Variants in HLTF observed in about 807,000 individuals in gnomAD.
HLTF encodes DNA-dependent ATPase/E3 ubiquitin-protein ligase HLTF.
A neutral mutation model predicts 129.4 loss-of-function variants in HLTF; 127 were observed. That is an observed-to-expected ratio of 0.98 (90% CI 0.85 to 1.14). The LOEUF (loss-of-function observed/expected upper bound fraction) is 1.14, where lower values mean the gene tolerates loss of function less well. HLTF is among the 50% of genes most tolerant of loss of function. The probability of loss-of-function intolerance (pLI) is 0.00; values close to 1 mark genes in which losing one functional copy is unlikely to be tolerated. For synonymous variants in HLTF, 332 were observed against 388.8 expected (o/e 0.85, Z 1.72); for missense variants, 1,139 against 1,187.1 (o/e 0.96, Z 0.60).
intron 17 of HLTF, among the ~76,000 whole-genome samples, chr3:149,047,723 C>T (rs1194966829): frequency 4.6e-5 from 7 of 152,056 alleles, no homozygotes; most frequent in Non-Finnish European, 8.8e-5. Context: ...AAAGGATATA[C>T]GATGTTTCCT....
At chr3:149,077,255 T>C (rs1263136269) in intron 2 of HLTF, among the ~76,000 whole-genome samples, 825 of 72,464 alleles carry the variant, frequency 0.011, 10 homozygotes, top group African/African-American at 0.039. Context: ...TCAAAATAAA[T>C]AAATAAATAA....
rs375620558 is a variant in HLTF, at chr3:149,084,978, C to T, written c.21-89G>A. On this transcript the variant is annotated intron_variant, in intron 1 of 24. Transcript: ENST00000310053. ...GTAGTTTTCTCATGCTTTACTTCAG[C>T]AAATGAAATCTTACATGGGAATCAC... is the stretch of plus-strand genomic sequence containing the variant. The T allele has an allele frequency of 3.5e-6, 3 of 863,838 alleles. No homozygotes were observed. The African/African-American group carries it at 5.1e-5, about 15-fold the overall frequency. The allele number at this position is 863,838 out of a possible 1,614,324, so 53.5% of individuals were successfully genotyped here.
At chr3:149,050,761 T>C (rs1413114193) in intron 14 of HLTF, among the ~76,000 whole-genome samples, 1 of 152,174 alleles carries the variant, frequency 6.6e-6, no homozygotes, top group Non-Finnish European at 1.5e-5. Context: ...TCCAAGGATG[T>C]GGGCAGAGAT....
rs770898013 is a variant in HLTF at position 149,032,313 on chromosome 3, TTCTC to T, written c.2933_2936del (p.Arg978AsnfsTer17). ...TAGTTCCAAAGGCTCCTGCTGCAAG[TTCTC>T]TCTTTTTGTTTTGTATTTTCAGCAT... On this transcript the variant is annotated frameshift_variant, in exon 25 of 25. Transcript: ENST00000310053. LOFTEE classifies it high-confidence loss of function. 23 of 1,599,334 alleles carry T rather than the reference TTCTC, an allele frequency of 1.4e-5. No homozygotes were observed. Among genetic ancestry groups the T allele is most frequent in the Admixed American group, 3.5e-5 (2 of 57,942 alleles).
rs1053870986 is a variant in HLTF, at chr3:149,071,569, T to C, written c.702+14A>G. 2 of 1,558,814 alleles carry C rather than the reference T, an allele frequency of 1.3e-6. No homozygotes were observed. The highest frequency in any genetic ancestry group is 2.3e-5 in the East Asian group (1 of 44,436). On this transcript the variant is annotated intron_variant, in intron 6 of 24. Transcript: ENST00000310053. The stretch of plus-strand genomic sequence containing the variant: ...ATTCTGAGTAGTCTTAAATAAAAAA[T>C]ATTGGTTCAATACCTCAGCTGGTTC...
At chr3:149,060,946 CTT>C in intron 10 of HLTF, 88 bp from the exon 11 acceptor site, 1 of 887,382 alleles carries the variant, frequency 1.1e-6, no homozygotes, top group Non-Finnish European at 1.7e-6. Context: ...CAATAAAAAA[CTT>C]TTGTCCTACT....
At position 149,031,336 on chromosome 3, in the gene HLTF, T is replaced by C. The variant is rs1188736445; in HGVS notation, c.*884A>G. 5 of 152,618 alleles carry C rather than the reference T, an allele frequency of 3.3e-5. No individual in the cohort carries two copies. In the South Asian group the frequency reaches 1.0e-3, roughly 32 times the overall value. The allele number at this position is 152,618 out of a possible 1,614,324, so 9.5% of individuals were successfully genotyped here. The stretch of plus-strand genomic sequence containing the variant: ...TCATCCAGCCCAACTTCCATCCAGA[T>C]ATCACGCCTCTCACATATAGTAGTC... On this transcript the variant is annotated 3_prime_UTR_variant, in exon 25 of 25. Transcript: ENST00000310053.
chr3:149,060,124 T>A (rs775130766), intron 12 of HLTF, among the ~76,000 whole-genome samples: 1 of 152,174 alleles, frequency 6.6e-6, no homozygotes, highest in Non-Finnish European at 1.5e-5. Context: ...TGATTCCTAA[T>A]GATAAGGCTG....
chr3:149,069,381 G>C (rs1452948839), intron 7 of HLTF, among the ~76,000 whole-genome samples: 1 of 150,180 alleles, frequency 6.7e-6, no homozygotes, highest in Non-Finnish European at 1.5e-5. Flanking sequence ...TAAGGAAGGA[G>C]AATCACTTGA....
intron 8 of HLTF, among the ~76,000 whole-genome samples, chr3:149,065,422 A>G (rs966944010): frequency 2.0e-5 from 3 of 152,210 alleles, no homozygotes; most frequent in African/African-American, 7.2e-5. Context: ...ACCAATGTAC[A>G]TGAATTGAAA....
intron 14 of HLTF, 130 bp downstream of exon 14, chr3:149,055,173 T>C: frequency 1.7e-6 from 1 of 583,608 alleles, no homozygotes; most frequent in Non-Finnish European, 2.9e-6. Flanking sequence ...CACCTGATGA[T>C]TATTTGAACT....
In HLTF at chr3:149,039,076, T is replaced by C. The variant is rs1715888532; in HGVS notation, c.2769A>G (p.Ala923=). 1.0e-5 allele frequency: 16 copies of C among 1,603,924 alleles called. No individual in the cohort carries two copies. Among genetic ancestry groups the C allele is most frequent in the Admixed American group, 3.5e-5 (2 of 57,902 alleles). The part of the protein sequence containing the change: ...KAGGVGLNLS[A]ASRVFLMDPA... ...GATCCATTAAAAACACTCGAGAAGC[T>C]GCAGACAGATTCAAACCAACTCCAC... Residue 923 remains alanine (A), a synonymous_variant, in exon 23 of 25, where the codon GCA becomes GCG. Transcript: ENST00000310053.
In HLTF at chr3:149,032,392, A is replaced by C. The variant is rs770653719; in HGVS notation, c.2878-20T>G. On this transcript the variant is annotated intron_variant, in intron 24 of 24. Coordinates refer to ENST00000310053, the MANE Select transcript of HLTF (RefSeq NM_003071.4). ...AATGAACTTTAAAAAGAAAAAAAAA[A>C]GTTAAGTAGTTTTTAAGGCATAGTA... The C allele has an allele frequency of 1.4e-5, 20 of 1,389,436 alleles. No homozygotes were observed. Among genetic ancestry groups the C allele is most frequent in the African/African-American group, 1.5e-5 (1 of 67,228 alleles). 86.1% of individuals were successfully genotyped at this position (1,389,436 alleles called of 1,614,324 possible).
At chr3:149,065,213 A>C (rs1198708948) in intron 8 of HLTF, among the ~76,000 whole-genome samples, 2 of 152,296 alleles carry the variant, frequency 1.3e-5, no homozygotes, top group African/African-American at 4.8e-5. Flanking sequence ...CAGACTTCAA[A>C]CTTTTCAAAC....
chr3:149,048,980 G>A lies in HLTF; in HGVS notation c.1639C>T (p.His547Tyr). The A allele has an allele frequency of 6.2e-7, 1 of 1,605,526 alleles. No individual in the cohort carries two copies. Among genetic ancestry groups the A allele is most frequent in the Non-Finnish European group, 8.5e-7 (1 of 1,172,620 alleles). ...ATCACTCTTAGCCACCTTATGCTAT[G>A]TAATGGACTATCTCCTTTAGTCTGA... ...DYGTKGDSPL[H>Y]SIRWLRVILD... is the part of the protein sequence containing the mutation. Residue 547 changes from histidine (H) to tyrosine (Y), a missense_variant, in exon 16 of 25, where the codon CAT (histidine) becomes TAT (tyrosine). Transcript: ENST00000310053.
intron 19 of HLTF, 42 bp from the exon 20 acceptor site, chr3:149,041,710 T>C (rs1242745940): frequency 3.6e-6 from 5 of 1,379,922 alleles, no homozygotes; most frequent in East Asian, 2.3e-5. Flanking sequence ...GCAAGGTTTG[T>C]AATATGACAA....
At chr3:149,083,856 T>C (rs1720098634) in intron 2 of HLTF, 1 of 151,554 alleles carries the variant, frequency 6.6e-6, no homozygotes. Context: ...GAGGCAGAGA[T>C]TGCAGTGAGG....
intron 13 of HLTF, 48 bp downstream of exon 13, chr3:149,059,669 CA>C (rs2108014359): frequency 1.7e-6 from 2 of 1,157,348 alleles, no homozygotes; most frequent in South Asian, 1.4e-5. Flanking sequence ...TTTTTTCATT[CA>C]AAAACAGAAA....
chr3:149,082,174 T>A (rs1025365534), intron 2 of HLTF, among the ~76,000 whole-genome samples: 2 of 152,146 alleles, frequency 1.3e-5, no homozygotes, highest in Admixed American at 6.6e-5. Context: ...AGAAGACTTG[T>A]GTGGCCGGGC....
Sources: allele counts gnomAD v4.1 joint callset (sites outside exome capture counted in the v4.1 genomes callset), GRCh38; gene constraint gnomAD v4.1.1; transcripts MANE v1.5; gene names NCBI Gene and HGNC (gene_info 2026-07-23, HGNC 2026-07-21).